Variants in CCNF observed in about 807,000 individuals in gnomAD.
CCNF encodes the protein cyclin-F.
A neutral mutation model predicts 85.4 loss-of-function variants in CCNF; 30 were observed. That is an observed-to-expected ratio of 0.35 (90% CI 0.26 to 0.48). The LOEUF (loss-of-function observed/expected upper bound fraction) is 0.48, where lower values mean the gene tolerates loss of function less well. CCNF is among the 20% of genes least tolerant of loss of function. The probability of loss-of-function intolerance (pLI) is 0.99; values close to 1 mark genes in which losing one functional copy is unlikely to be tolerated. For synonymous variants in CCNF, 439 were observed against 425.1 expected (o/e 1.03, Z -0.40); for missense variants, 919 against 1,010.4 (o/e 0.91, Z 1.23).
intron 3 of CCNF, 145 bp from the exon 4 acceptor site, chr16:2,435,661 A>C (rs2065286026): frequency 6.6e-6 from 1 of 151,150 alleles, no homozygotes; most frequent in African/African-American, 2.5e-4. Context: ...ATATGCACAC[A>C]CACACATATA....
intron 8 of CCNF, among the ~76,000 whole-genome samples, chr16:2,442,001 T>C (rs2065325780): frequency 7.4e-6 from 1 of 135,372 alleles, no homozygotes; most frequent in Non-Finnish European, 1.6e-5. Flanking sequence ...TTTTGTTTTG[T>C]TTTGTTTTGT....
intron 2 of CCNF, among the ~76,000 whole-genome samples, chr16:2,432,343 AC>A (rs2065267069): frequency 6.6e-6 from 1 of 152,076 alleles, no homozygotes; most frequent in Non-Finnish European, 1.5e-5. Flanking sequence ...GCCAGCAAGA[AC>A]CCATTTTCTG....
intron 8 of CCNF, among the ~76,000 whole-genome samples, chr16:2,442,040 C>T (rs1449825315): frequency 7.1e-6 from 1 of 140,210 alleles, no homozygotes; most frequent in Non-Finnish European, 1.5e-5. Context: ...GAGTCTTGCT[C>T]TGTTGCCCAG....
At chr16:2,436,857 C>T (rs926957607) in intron 4 of CCNF, 5 of 290,444 alleles carry the variant, frequency 1.7e-5, no homozygotes, top group East Asian at 5.8e-5. Context: ...TGAAGCGTCG[C>T]GGGGTCTCCT....
intron 1 of CCNF, among the ~76,000 whole-genome samples, chr16:2,429,788 G>C (rs2065253666): frequency 7.1e-6 from 1 of 141,412 alleles, no homozygotes. Context: ...CCGGCGATCG[G>C]GTCCCGGGGC....
chr16:2,435,044 G>T (rs1381917666), intron 3 of CCNF, among the ~76,000 whole-genome samples: 1 of 151,842 alleles, frequency 6.6e-6, no homozygotes, highest in African/African-American at 2.4e-5. Flanking sequence ...CATGAGATCA[G>T]ATCGAGACCA....
At chr16:2,444,368 C>T (rs1360053521) in intron 9 of CCNF, among the ~76,000 whole-genome samples, 1 of 149,144 alleles carries the variant, frequency 6.7e-6, no homozygotes, top group Non-Finnish European at 1.5e-5. Flanking sequence ...GGCGTGATCT[C>T]GGCTCACTGC....
Position 2,449,879 on chromosome 16 carries a change from A to T in CCNF, c.1451A>T (p.Asp484Val), listed in dbSNP as rs763031251. 4.4e-6 allele frequency: 7 copies of T among 1,608,968 alleles called. No individual in the cohort carries two copies. The highest frequency in any genetic ancestry group is 1.6e-4 in the Middle Eastern group (1 of 6,072). The change falls in exon 13 of 17, where the codon GAC becomes GTC. Residue 484 changes from aspartate to valine, a missense_variant. By Grantham distance (152) the Asp-to-Val change is radical. This residue lies in a region of CCNF where 505 missense variants were observed against 514.8 expected (regional missense o/e 0.98). Transcript: ENST00000397066. ...GACCTCACCGGATTCTCCTATGAAG[A>T]CCTCATTCCCTGCGTCTTGAGCCTC... ...LWDLTGFSYE[D>V]LIPCVLSLHK... is the part of the protein sequence containing the mutation.
At chr16:2,445,723 TGTG>T in intron 10 of CCNF, 101 bp downstream of exon 10, 1 of 997,512 alleles carries the variant, frequency 1.0e-6, no homozygotes, top group Non-Finnish European at 1.3e-6. Flanking sequence ...GGTTTTGTTT[TGTG>T]TTGTTTTTTT....
In CCNF at chr16:2,453,508, C is replaced by T. The variant is rs1246476451; in HGVS notation, c.1686C>T (p.Leu562=). ...FLSTGEIHAF[L]SSPSGRRTKR... ...GCACAGGGGAGATCCACGCCTTCCT[C>T]AGCTCTCCCTCGGGGCGGAGAACCA... is the stretch of plus-strand genomic sequence containing the variant. Residue 562 remains leucine (L), a synonymous_variant, in exon 15 of 17, where the codon CTC becomes CTT. Coordinates refer to ENST00000397066, the MANE Select transcript of CCNF (RefSeq NM_001761.3). The surrounding 1 kb of genome is among the most constrained non-coding windows in gnomAD (Gnocchi z 5.6). The T allele has an allele frequency of 6.2e-7, 1 of 1,614,074 alleles. No individual in the cohort carries two copies. Among genetic ancestry groups the T allele is most frequent in the Non-Finnish European group, 8.5e-7 (1 of 1,180,004 alleles).
At chr16:2,441,328 C>T (rs1282442356) in intron 8 of CCNF, among the ~76,000 whole-genome samples, 2 of 152,046 alleles carry the variant, frequency 1.3e-5, no homozygotes, top group African/African-American at 4.8e-5. Context: ...CCTGCGAGGT[C>T]AAAGCTGCAG....
chr16:2,453,631 A>G lies in CCNF; in HGVS notation c.1715+94A>G. The G allele has an allele frequency of 4.6e-6, 7 of 1,512,098 alleles. No homozygotes were observed. Among genetic ancestry groups the G allele is most frequent in the Non-Finnish European group, 5.4e-6 (6 of 1,104,936 alleles). 93.7% of individuals were successfully genotyped at this position (1,512,098 alleles called of 1,614,324 possible). A position where few individuals can be genotyped will look rare whatever the true frequency, so the allele number is the denominator to read the frequency against. On this transcript the variant is annotated intron_variant, in intron 15 of 16. Transcript: ENST00000397066. This position sits in a 1 kb window ranked among gnomAD's most constrained non-coding sequence, Gnocchi z 5.6. Reference sequence around the variant, plus strand: ...CGCTTCCTCACACAGAGAGGCCCCCAAGGCTTGTCAGGGGAGCAGCAGATC... The same window carrying G: ...CGCTTCCTCACACAGAGAGGCCCCCGAGGCTTGTCAGGGGAGCAGCAGATC...
At chr16:2,449,031 G>A in intron 11 of CCNF, 53 bp downstream of exon 11, 1 of 1,432,212 alleles carries the variant, frequency 7.0e-7, no homozygotes, top group Non-Finnish European at 9.8e-7. Context: ...TGTGCTGGAG[G>A]GTGGGGGTGG....
At position 2,445,470 on chromosome 16, in the gene CCNF, C is replaced by T. The variant is rs551656222; in HGVS notation, c.942C>T (p.Ile314=). 1.2e-5 allele frequency: 20 copies of T among 1,614,144 alleles called. No homozygotes were observed. The highest frequency in any genetic ancestry group is 7.7e-5 in the South Asian group (7 of 91,084). The change falls in exon 10 of 17, where the codon ATC becomes ATT. Residue 314 remains isoleucine, a synonymous_variant. Transcript: ENST00000397066. The part of the protein sequence containing the change: ...GLNDTMRYIL[I]DWLVEVATMK... Reference sequence around the variant, plus strand: ...TCTCTTTCCGCAGGTACATTCTGATCGACTGGCTGGTGGAAGTTGCCACCA... The same window carrying T: ...TCTCTTTCCGCAGGTACATTCTGATTGACTGGCTGGTGGAAGTTGCCACCA...
chr16:2,443,628 T>C (rs1240112920), intron 8 of CCNF, 21 bp from the exon 9 acceptor site: 4 of 1,609,684 alleles, frequency 2.5e-6, no homozygotes, highest in East Asian at 2.2e-5. Flanking sequence ...CTCACGCTCA[T>C]GTTTGTCTTT....
intron 3 of CCNF, 75 bp from the exon 4 acceptor site, chr16:2,435,731 T>G (rs2065287532): frequency 2.2e-6 from 2 of 916,588 alleles, no homozygotes. Flanking sequence ...GTATTCTGAC[T>G]TCTTCAAGTG....
In CCNF at chr16:2,439,834, G is replaced by A; in HGVS notation, c.777+8G>A. ...GGCTGCTGGGAAGCGCAGGTGAGGT[G>A]CGGGGCTGGGATGACGTGGGGAGCT... On this transcript the variant is annotated splice_region_variant and intron_variant, in intron 8 of 16. Coordinates refer to ENST00000397066, the MANE Select transcript of CCNF (RefSeq NM_001761.3). The A allele has an allele frequency of 1.2e-6, 2 of 1,613,394 alleles. No homozygotes were observed. The highest frequency in any genetic ancestry group is 1.3e-5 in the African/African-American group (1 of 75,040).
chr16:2,443,904 C>T (rs575865727), intron 9 of CCNF, 104 bp downstream of exon 9: 2 of 1,026,784 alleles, frequency 1.9e-6, no homozygotes, highest in South Asian at 1.6e-5. Flanking sequence ...GACAGGGCGG[C>T]ATAGAGTTCC....
intron 3 of CCNF, among the ~76,000 whole-genome samples, chr16:2,435,016 A>C (rs1252116958): frequency 1.3e-5 from 2 of 152,136 alleles, no homozygotes; most frequent in Non-Finnish European, 2.9e-5. Flanking sequence ...GCACTTTGGG[A>C]GGCCGAGGCG....
Sources: allele counts gnomAD v4.1 joint callset (sites outside exome capture counted in the v4.1 genomes callset), GRCh38; gene constraint gnomAD v4.1.1; regional missense constraint gnomAD v4.1.1; non-coding constraint Gnocchi (gnomAD v3.1); transcripts MANE v1.5; gene names NCBI Gene and HGNC (gene_info 2026-07-23, HGNC 2026-07-21).